The following CNTNAP2 variants were observed in gnomAD, a reference collection of about 807,000 sequenced individuals.
CNTNAP2 encodes contactin associated protein 2.
In CNTNAP2, 98 loss-of-function variants were observed where a neutral mutation model predicts 155.2. The ratio of observed to expected loss-of-function variants is 0.63; its 90% CI spans 0.54 to 0.75. The LOEUF (loss-of-function observed/expected upper bound fraction) is 0.75. Among genes scored for constraint, CNTNAP2 ranks in the 30% least tolerant of loss-of-function variants. CNTNAP2 has a pLI of 0.00. For missense variants in CNTNAP2, 1,727 were observed against 1,688.1 expected (o/e 1.02, Z -0.40); for synonymous variants, 651 against 631.2 (o/e 1.03, Z -0.47).
chr7:147,124,876 C>CT (rs371912854), intron 6 of CNTNAP2, among the ~76,000 whole-genome samples: 1,604 of 79,990 alleles, frequency 0.02, 10 homozygotes, highest in Non-Finnish European at 0.026. Flanking sequence ...CCTTTTTTTC[C>CT]TTTTTTTTTT....
chr7:148,364,179 G>A (rs1473017641), intron 21 of CNTNAP2, among the ~76,000 whole-genome samples: 1 of 152,232 alleles, frequency 6.6e-6, no homozygotes, highest in African/African-American at 2.4e-5. Flanking sequence ...GACCACCCAA[G>A]GGCTGAGGAA....
At chr7:146,828,129 C>T (rs986085408) in intron 2 of CNTNAP2, among the ~76,000 whole-genome samples, 4 of 151,910 alleles carry the variant, frequency 2.6e-5, no homozygotes, top group Non-Finnish European at 4.4e-5. Flanking sequence ...GGCATATAGA[C>T]GTGCTCTACA....
At chr7:146,645,049 A>T (rs2129162268) in intron 1 of CNTNAP2, among the ~76,000 whole-genome samples, 1 of 152,264 alleles carries the variant, frequency 6.6e-6, no homozygotes, top group Middle Eastern at 3.4e-3. Flanking sequence ...TTTAGAGCAG[A>T]AATTTTTTTA....
At chr7:148,038,410 T>A (rs1802608810) in intron 15 of CNTNAP2, among the ~76,000 whole-genome samples, 1 of 152,212 alleles carries the variant, frequency 6.6e-6, no homozygotes, top group Non-Finnish European at 1.5e-5. Flanking sequence ...TCCTAGGAAA[T>A]CTCTTCAACA....
intron 8 of CNTNAP2, among the ~76,000 whole-genome samples, chr7:147,202,765 G>A (rs1845895): frequency 0.47 from 71,605 of 151,624 alleles, 17,589 homozygotes; most frequent in Middle Eastern, 0.64. Flanking sequence ...CATGGACACA[G>A]GGCAGGGAAC....
intron 1 of CNTNAP2, among the ~76,000 whole-genome samples, chr7:146,120,569 C>T (rs1797547120): frequency 6.6e-6 from 1 of 152,136 alleles, no homozygotes; most frequent in Non-Finnish European, 1.5e-5. Flanking sequence ...TTGTTTGGTG[C>T]ATATCATATT....
At chr7:147,928,919 C>T (rs189091165) in intron 14 of CNTNAP2, among the ~76,000 whole-genome samples, 91 of 151,588 alleles carry the variant, frequency 6.0e-4, no homozygotes, top group African/African-American at 1.9e-3. Flanking sequence ...GGAGAAACCC[C>T]GTCTCTACTA....
At chr7:147,736,293 CT>C (rs1166825612) in intron 13 of CNTNAP2, among the ~76,000 whole-genome samples, 2 of 152,012 alleles carry the variant, frequency 1.3e-5, no homozygotes, top group African/African-American at 4.8e-5. Context: ...CTTAGTTTGT[CT>C]GGATGTGAAA....
At chr7:146,177,636 T>C (rs114033274) in intron 1 of CNTNAP2, among the ~76,000 whole-genome samples, 2,236 of 152,322 alleles carry the variant, frequency 0.015, 63 homozygotes, top group African/African-American at 0.051. Flanking sequence ...CATGTCAAGC[T>C]ATGAAAAAAC....
At chr7:147,556,526 A>G (rs941905546) in intron 11 of CNTNAP2, among the ~76,000 whole-genome samples, 2 of 152,162 alleles carry the variant, frequency 1.3e-5, no homozygotes, top group African/African-American at 4.8e-5. Flanking sequence ...AGCTCCTTAA[A>G]ATAGTCAGAG....
At chr7:146,633,832 G>GAAAAAAAAAAAAAAAAAAAA (rs60993956) in intron 1 of CNTNAP2, among the ~76,000 whole-genome samples, 6 of 79,038 alleles carry the variant, frequency 7.6e-5, no homozygotes, top group African/African-American at 2.4e-4. Context: ...TGCATCTAGA[G>GAAAAAAAAAAAAAAAAAAAA]AAAAAAAAAA....
chr7:148,249,846 T>G (rs1796334888), intron 20 of CNTNAP2, among the ~76,000 whole-genome samples: 1 of 152,172 alleles, frequency 6.6e-6, no homozygotes, highest in African/African-American at 2.4e-5. Context: ...ACCTTGCACA[T>G]CTGCTGCTCG....
At chr7:147,576,110 A>T (rs76144487) in intron 12 of CNTNAP2, among the ~76,000 whole-genome samples, 1 of 151,268 alleles carries the variant, frequency 6.6e-6, no homozygotes, top group Admixed American at 6.6e-5. Flanking sequence ...TTATTTGAAA[A>T]TTTTTTTCTT....
At chr7:147,090,455 A>G (rs1800378433) in intron 4 of CNTNAP2, among the ~76,000 whole-genome samples, 1 of 151,894 alleles carries the variant, frequency 6.6e-6, no homozygotes, top group African/African-American at 2.4e-5. Context: ...ATGGGATTAA[A>G]TCTTTTATTT....
chr7:146,895,589 T>C (rs893993786), intron 3 of CNTNAP2, among the ~76,000 whole-genome samples: 1 of 151,612 alleles, frequency 6.6e-6, no homozygotes, highest in Non-Finnish European at 1.5e-5. Flanking sequence ...TTTGTTAGTA[T>C]GTAATAATTG....
intron 17 of CNTNAP2, among the ~76,000 whole-genome samples, chr7:148,165,558 T>C (rs1464215146): frequency 6.6e-6 from 1 of 152,196 alleles, no homozygotes; most frequent in Non-Finnish European, 1.5e-5. Flanking sequence ...TACCAGTAAC[T>C]AGAATTAGTG....
At chr7:147,452,185 G>C (rs1324837883) in intron 10 of CNTNAP2, among the ~76,000 whole-genome samples, 1 of 152,144 alleles carries the variant, frequency 6.6e-6, no homozygotes, top group Non-Finnish European at 1.5e-5. Context: ...ACCCTAAAAA[G>C]GATTACATAG....
In CNTNAP2 at chr7:147,037,554, C is replaced by T. The variant is rs555879779; in HGVS notation, c.403-6353C>T. 5.3e-5 allele frequency among the ~76,000 whole-genome samples: 8 copies of T among 151,044 alleles called. No homozygotes were observed. The East Asian group carries it at 1.6e-3, about 30-fold the overall frequency. ...TTGGCTCACTGCAACCTCCACCTCC[C>T]AGGTTCAAGTGATTCTCCTGCCTCA... is the stretch of plus-strand genomic sequence containing the variant. On this transcript the variant is annotated intron_variant, in intron 3 of 23. Transcript: ENST00000361727.
chr7:148,408,277 A>C (rs2717827), intron 22 of CNTNAP2, among the ~76,000 whole-genome samples: 53,208 of 150,290 alleles, frequency 0.35, 11,477 homozygotes, highest in East Asian at 0.62. Flanking sequence ...CACACACACA[A>C]AAAAAGAATA....
Sources: gnomAD v4.1 joint callset for allele counts (sites outside exome capture counted in the v4.1 genomes callset) on GRCh38, gnomAD v4.1.1 for gene constraint, MANE v1.5 for transcripts, NCBI Gene and HGNC (gene_info 2026-07-23, HGNC 2026-07-21) for gene names.